PLEKHA1: variants seen among roughly 807,000 people sequenced by gnomAD.
PLEKHA1 encodes pleckstrin homology domain containing A1.
In PLEKHA1, 34 loss-of-function variants were observed where a neutral mutation model predicts 52.0. The ratio of observed to expected loss-of-function variants is 0.65; its 90% CI spans 0.50 to 0.87. The LOEUF (loss-of-function observed/expected upper bound fraction) is 0.87, where lower values mean the gene tolerates loss of function less well. Ranked by LOEUF, PLEKHA1 falls within the 40% of genes least tolerant of loss-of-function variation. The probability of loss-of-function intolerance (pLI) is 0.00; values close to 1 mark genes in which losing one functional copy is unlikely to be tolerated. For missense variants in PLEKHA1, 497 were observed against 504.2 expected, an observed-to-expected ratio of 0.99 and a Z score of 0.14; for synonymous variants, 163 against 170.7, an observed-to-expected ratio of 0.95 and a Z score of 0.35.
In PLEKHA1 at chr10:122,424,952, ATG is replaced by A. The variant is rs2097316228; in HGVS notation, c.806_807del (p.Val269AlafsTer3). 6.2e-7 allele frequency: 1 copy of A among 1,607,450 alleles called. No individual in the cohort carries two copies. Among genetic ancestry groups the A allele is most frequent in the Admixed American group, 1.7e-5 (1 of 59,358 alleles). ...ATTGTAACAACGTCTCGAACTTTCT[ATG>A]TGCAGGTAAGATGCTTATTTGGCAA... On this transcript the variant is annotated frameshift_variant, in exon 10 of 12. Transcript: ENST00000368990. LOFTEE classifies it high-confidence loss of function.
chr10:122,385,673 C>G (rs975267237), intron 1 of PLEKHA1, among the ~76,000 whole-genome samples: 2 of 152,126 alleles, frequency 1.3e-5, no homozygotes, highest in Admixed American at 1.3e-4. Context: ...CATGTTGTTG[C>G]ATCTGTCAGT....
intron 4 of PLEKHA1, among the ~76,000 whole-genome samples, chr10:122,401,852 A>C (rs1472269915): frequency 6.6e-6 from 1 of 152,174 alleles, no homozygotes; most frequent in Non-Finnish European, 1.5e-5. Flanking sequence ...GTAGAATTGA[A>C]GTTCTTTGCT....
At chr10:122,380,721 G>A (rs1315948840) in intron 1 of PLEKHA1, among the ~76,000 whole-genome samples, 2 of 152,024 alleles carry the variant, frequency 1.3e-5, no homozygotes, top group Non-Finnish European at 2.9e-5. Flanking sequence ...GATTGGGGAA[G>A]CTTTAAAAAA....
the PLEKHA1 span, chr10:122,440,288 G>A: frequency 6.6e-6 from 1 of 152,212 alleles, no homozygotes; most frequent in Non-Finnish European, 1.5e-5. Flanking sequence ...GAGAAACACT[G>A]TCCTAGTGAA....
chr10:122,406,177 T>C (rs549353812), intron 4 of PLEKHA1, among the ~76,000 whole-genome samples: 2 of 152,308 alleles, frequency 1.3e-5, no homozygotes, highest in Non-Finnish European at 2.9e-5. Context: ...GAAATACCTA[T>C]AAAAAGTTTA....
chr10:122,417,135 CA>C (rs957101466), intron 7 of PLEKHA1: 1 of 152,294 alleles, frequency 6.6e-6, no homozygotes, highest in Admixed American at 6.6e-5. Flanking sequence ...ATTTTATTGA[CA>C]AAAAATATTT....
At chr10:122,434,462 G>C (rs985241106), downstream of PLEKHA1, 1 of 152,112 alleles carries the variant, frequency 6.6e-6, no homozygotes, top group African/African-American at 2.4e-5. Flanking sequence ...AGGCAAGTGT[G>C]TGTGTTTCGG....
At chr10:122,429,355 C>T (rs1181823896) in intron 11 of PLEKHA1, among the ~76,000 whole-genome samples, 2 of 152,090 alleles carry the variant, frequency 1.3e-5, no homozygotes, top group Non-Finnish European at 1.5e-5. Flanking sequence ...TCATAGGCTG[C>T]CAAATTCAGC....
rs796831792 is a variant in PLEKHA1 at position 122,394,069 on chromosome 10, CTTTTTTT to C, written c.141+748_141+754del. Among the ~76,000 whole-genome samples, 90 of 97,242 alleles carry C rather than the reference CTTTTTTT, an allele frequency of 9.3e-4. 1 individual carries two copies. The highest frequency in any genetic ancestry group is 6.8e-3 in the Middle Eastern group (1 of 146). The allele number at this position is 97,242 out of a possible 152,430, so 63.8% of individuals were successfully genotyped here. On this transcript the variant is annotated intron_variant, in intron 2 of 11. Transcript: ENST00000368990. ...AGTTTTAAACTTTCAACTTTCTCTA[CTTTTTTT>C]TTTTTTTTTTTTTTTTTTTGAGATG... is the stretch of plus-strand genomic sequence containing the variant.
intron 4 of PLEKHA1, among the ~76,000 whole-genome samples, chr10:122,404,605 AAGTT>A (rs1165819897): frequency 6.6e-6 from 1 of 152,262 alleles, no homozygotes; most frequent in African/African-American, 2.4e-5. Context: ...AATTAAAAAC[AAGTT>A]ATTTATTGAT....
Position 122,407,671 on chromosome 10 carries a change from C to T in PLEKHA1, c.342+998C>T, listed in dbSNP as rs565748137. On this transcript the variant is annotated intron_variant, in intron 5 of 11. Transcript: ENST00000368990. ...ACCTTGCCTCACCTTTCCCTTTACACTTTTGTAGAGAAATACATAGCAGGC... is the reference window on the plus strand; with the variant it reads ...ACCTTGCCTCACCTTTCCCTTTACATTTTTGTAGAGAAATACATAGCAGGC... Among the ~76,000 whole-genome samples, 390 of 152,306 alleles carry T rather than the reference C, an allele frequency of 2.6e-3. 1 individual carries two copies. The highest frequency in any genetic ancestry group is 9.1e-3 in the African/African-American group (380 of 41,574).
At chr10:122,416,189 G>C (rs897425213) in intron 7 of PLEKHA1, among the ~76,000 whole-genome samples, 187 bp downstream of exon 7, 3 of 152,204 alleles carry the variant, frequency 2.0e-5, no homozygotes, top group African/African-American at 7.2e-5. Flanking sequence ...TATTTGCTTG[G>C]TTTGCAGGGG....
intron 1 of PLEKHA1, among the ~76,000 whole-genome samples, chr10:122,385,682 G>A (rs1280074096): frequency 6.6e-6 from 1 of 152,174 alleles, no homozygotes; most frequent in East Asian, 1.9e-4. Context: ...GCATCTGTCA[G>A]TAGTTCCTTT....
At chr10:122,395,495 GTTA>G (rs1334792799) in intron 2 of PLEKHA1, among the ~76,000 whole-genome samples, 1 of 151,796 alleles carries the variant, frequency 6.6e-6, no homozygotes, top group South Asian at 2.1e-4. Flanking sequence ...CTTTATCAAG[GTTA>G]TTATGTTCAG....
At chr10:122,392,578 A>G (rs1233330851) in intron 1 of PLEKHA1, among the ~76,000 whole-genome samples, 2 of 151,888 alleles carry the variant, frequency 1.3e-5, no homozygotes, top group Non-Finnish European at 2.9e-5. Context: ...AGCATAAGAT[A>G]GGAGATCTAG....
chr10:122,376,296 C>T (rs1248123919), intron 1 of PLEKHA1, among the ~76,000 whole-genome samples: 1 of 151,846 alleles, frequency 6.6e-6, no homozygotes, highest in Non-Finnish European at 1.5e-5. Context: ...TATTTTTTAT[C>T]TTGGCCAATT....
Position 122,378,435 on chromosome 10 carries a change from C to G in PLEKHA1, c.-21+3629C>G, listed in dbSNP as rs368110411. ...TAAATGATAGCTTTTCTGTCATTTA[C>G]AGTTATCAAAAAGCTCTAGGCTGGG... On this transcript the variant is annotated intron_variant, in intron 1 of 11. Coordinates refer to ENST00000368990, the MANE Select transcript of PLEKHA1 (RefSeq NM_001001974.4). 2.1e-4 allele frequency among the ~76,000 whole-genome samples: 29 copies of G among 139,542 alleles called. No individual in the cohort carries two copies. The East Asian group carries it at 7.3e-3, about 35-fold the overall frequency. The allele number at this position is 139,542 out of a possible 152,430, so 91.5% of individuals were successfully genotyped here.
rs5788545 is a variant in PLEKHA1, at chr10:122,378,739, CAAAAA to C, written c.-21+3945_-21+3949del. Reference sequence around the variant, plus strand: ...TGACAGGAGAGTGAGACCCTGTCTCCAAAAAAAAAAAAAAAACAGAAAAACAAAAA... The same window carrying C: ...TGACAGGAGAGTGAGACCCTGTCTCCAAAAAAAAAAACAGAAAAACAAAAA... On this transcript the variant is annotated intron_variant, in intron 1 of 11. Transcript: ENST00000368990. Among the ~76,000 whole-genome samples, 193 of 101,850 alleles carry C rather than the reference CAAAAA, an allele frequency of 1.9e-3. 1 individual carries two copies. Among genetic ancestry groups the C allele is most frequent in the African/African-American group, 7.5e-3 (186 of 24,682 alleles). The allele number at this position is 101,850 out of a possible 152,430, so 66.8% of individuals were successfully genotyped here.
intron 2 of PLEKHA1, among the ~76,000 whole-genome samples, chr10:122,394,758 A>G (rs757629122): frequency 9.4e-4 from 143 of 152,144 alleles, no homozygotes; most frequent in Non-Finnish European, 4.4e-4. Flanking sequence ...AGTTCTGCCT[A>G]TTTTCTCTCC....
Sources: allele counts gnomAD v4.1 joint callset (sites outside exome capture counted in the v4.1 genomes callset), GRCh38; gene constraint gnomAD v4.1.1; transcripts MANE v1.5; gene names NCBI Gene and HGNC (gene_info 2026-07-23, HGNC 2026-07-21).